The following CRACDL variants were observed in gnomAD, a reference collection of about 807,000 sequenced individuals.
CRACDL encodes the protein CRACD like, also known as CRACD-like protein.
CRACDL carries 26 observed loss-of-function variants against 70.6 expected under a neutral mutation model. The observed-to-expected ratio is 0.37, with a 90% CI of 0.27 to 0.51. The LOEUF is 0.51. Among genes scored for constraint, CRACDL ranks in the 20% least tolerant of loss-of-function variants. CRACDL has a pLI of 0.94. For missense variants in CRACDL, 1,283 were observed against 1,376.9 expected, an observed-to-expected ratio of 0.93 and a Z score of 1.08; for synonymous variants, 618 against 615.2, an observed-to-expected ratio of 1.00 and a Z score of -0.07.
intron 1 of CRACDL, among the ~76,000 whole-genome samples, chr2:98,889,285 GAGAAAGAAAGAA>G (rs55635946): frequency 0.029 from 4,086 of 140,994 alleles, 94 homozygotes; most frequent in African/African-American, 0.035. Flanking sequence ...GAAAAAGAGA[GAGAAAGAAAGAA>G]AGAAAGAAAG....
chr2:98,868,425 T>A (rs1707227943), intron 1 of CRACDL, among the ~76,000 whole-genome samples: 1 of 152,236 alleles, frequency 6.6e-6, no homozygotes, highest in South Asian at 2.1e-4. Context: ...CAAATCTGTT[T>A]ATTTATGCTA....
At chr2:98,911,872 C>A (rs531776840) in intron 1 of CRACDL, among the ~76,000 whole-genome samples, 1 of 152,176 alleles carries the variant, frequency 6.6e-6, no homozygotes, top group Non-Finnish European at 1.5e-5. Flanking sequence ...CATATGGCTA[C>A]GGGAAACCCA....
At chr2:98,901,167 C>T (rs1708270135) in intron 1 of CRACDL, among the ~76,000 whole-genome samples, 1 of 152,184 alleles carries the variant, frequency 6.6e-6, no homozygotes, top group Non-Finnish European at 1.5e-5. Flanking sequence ...GTGAAATGGG[C>T]TCATCCCTCT....
intron 1 of CRACDL, among the ~76,000 whole-genome samples, chr2:98,932,780 A>AT (rs1246025618): frequency 6.6e-6 from 1 of 152,164 alleles, no homozygotes; most frequent in Non-Finnish European, 1.5e-5. Context: ...ACTTCCTTTT[A>AT]TGTATCAAGG....
intron 7 of CRACDL, among the ~76,000 whole-genome samples, chr2:98,810,825 A>G (rs1387267674): frequency 6.6e-6 from 1 of 152,316 alleles, no homozygotes; most frequent in Admixed American, 6.5e-5. Flanking sequence ...AAAATGGACA[A>G]GAATGATTAC....
chr2:98,893,085 C>G (rs1708020158), intron 1 of CRACDL, among the ~76,000 whole-genome samples: 1 of 152,198 alleles, frequency 6.6e-6, no homozygotes, highest in Non-Finnish European at 1.5e-5. Flanking sequence ...TTCCCAGGTG[C>G]CCTCAGCCTC....
chr2:98,932,684 C>T (rs1374765174), intron 1 of CRACDL, among the ~76,000 whole-genome samples: 1 of 152,136 alleles, frequency 6.6e-6, no homozygotes, highest in Non-Finnish European at 1.5e-5. Context: ...CTCCAGCAGC[C>T]CCGACGGCTC....
At chr2:98,849,166 A>T (rs1185445437) in intron 1 of CRACDL, among the ~76,000 whole-genome samples, 1 of 152,178 alleles carries the variant, frequency 6.6e-6, no homozygotes, top group East Asian at 1.9e-4. Context: ...AAGAAGCCTT[A>T]CCCAGGGTCA....
At chr2:98,870,012 CA>C (rs1262147331) in intron 1 of CRACDL, among the ~76,000 whole-genome samples, 1 of 152,162 alleles carries the variant, frequency 6.6e-6, no homozygotes, top group Non-Finnish European at 1.5e-5. Context: ...GCCGGCTCCC[CA>C]GCCACCCCAC....
chr2:98,800,744 T>C (rs1553548434), intron 7 of CRACDL, among the ~76,000 whole-genome samples: 1 of 152,228 alleles, frequency 6.6e-6, no homozygotes, highest in East Asian at 1.9e-4. Flanking sequence ...CCTTTGGTCA[T>C]AAGCATTTCT....
At chr2:98,795,047 A>AAAAATTTATATT (rs1553547096) in intron 9 of CRACDL, among the ~76,000 whole-genome samples, 1 of 39,446 alleles carries the variant, frequency 2.5e-5, no homozygotes, top group Non-Finnish European at 4.5e-5. Flanking sequence ...AAAAATATAT[A>AAAAATTTATATT]TATATATATA....
intron 1 of CRACDL, among the ~76,000 whole-genome samples, chr2:98,847,636 A>T (rs545519640): frequency 6.6e-6 from 1 of 152,356 alleles, no homozygotes; most frequent in Admixed American, 6.5e-5. Flanking sequence ...TCACAGGTCA[A>T]TATTCCTGCT....
intron 5 of CRACDL, among the ~76,000 whole-genome samples, chr2:98,827,595 T>C (rs1705363480): frequency 6.6e-6 from 1 of 152,178 alleles, no homozygotes. Flanking sequence ...CGGCCAATAC[T>C]TTCAATTTGA....
intron 1 of CRACDL, among the ~76,000 whole-genome samples, chr2:98,897,809 T>G (rs1012912133): frequency 6.6e-6 from 1 of 152,236 alleles, no homozygotes; most frequent in Non-Finnish European, 1.5e-5. Flanking sequence ...TGCCTGCCTG[T>G]GCACAGCACA....
chr2:98,934,612 C>T (rs1021946172), intron 1 of CRACDL, among the ~76,000 whole-genome samples: 1 of 152,164 alleles, frequency 6.6e-6, no homozygotes, highest in African/African-American at 2.4e-5. Flanking sequence ...GCGCAGCATC[C>T]ATGGATGGTA....
intron 9 of CRACDL, among the ~76,000 whole-genome samples, chr2:98,795,047 A>AAAAATTTT (rs1553547096): frequency 3.3e-4 from 13 of 39,446 alleles, no homozygotes; most frequent in Non-Finnish European, 9.0e-5. Context: ...AAAAATATAT[A>AAAAATTTT]TATATATATA....
chr2:98,862,373 C>CA (rs1264345665), intron 1 of CRACDL, among the ~76,000 whole-genome samples: 4 of 151,998 alleles, frequency 2.6e-5, no homozygotes, highest in African/African-American at 7.2e-5. Flanking sequence ...TTTTCCACAA[C>CA]AAAAAATCAC....
At chr2:98,929,445 A>T (rs1185651839) in intron 1 of CRACDL, among the ~76,000 whole-genome samples, 1 of 152,052 alleles carries the variant, frequency 6.6e-6, no homozygotes, top group Non-Finnish European at 1.5e-5. Flanking sequence ...TATGCCTCAG[A>T]CTCCAAGCAG....
At position 98,862,425 on chromosome 2, in the gene CRACDL, A is replaced by T. The variant is rs563107639; in HGVS notation, c.-10-15615T>A. 8.5e-5 allele frequency among the ~76,000 whole-genome samples: 13 copies of T among 152,332 alleles called. No homozygotes were observed. The East Asian group carries it at 2.3e-3, about 27-fold the overall frequency. On this transcript the variant is annotated intron_variant, in intron 1 of 9. Coordinates refer to ENST00000397899, the MANE Select transcript of CRACDL (RefSeq NM_207362.3). ...CAGGAAAGTATGGACCATCAAAGGA[A>T]AAAAACCAACAGAAATGATCTCCGA...
Sources: allele counts gnomAD v4.1 joint callset (sites outside exome capture counted in the v4.1 genomes callset), GRCh38; gene constraint gnomAD v4.1.1; transcripts MANE v1.5; gene names NCBI Gene and HGNC (gene_info 2026-07-23, HGNC 2026-07-21).